CPQ: variants seen among roughly 807,000 people sequenced by gnomAD.
CPQ encodes the protein carboxypeptidase Q.
In CPQ, 37 loss-of-function variants were observed where a neutral mutation model predicts 45.7. That is an observed-to-expected ratio of 0.81 (90% CI 0.62 to 1.07). The LOEUF (loss-of-function observed/expected upper bound fraction) is 1.07. CPQ is among the 50% of genes least tolerant of loss of function. The probability of loss-of-function intolerance (pLI) is 0.00; values close to 1 mark genes in which losing one functional copy is unlikely to be tolerated. For synonymous variants in CPQ, 186 were observed against 205.8 expected, an observed-to-expected ratio of 0.90 and a Z score of 0.82; for missense variants, 537 against 572.9, an observed-to-expected ratio of 0.94 and a Z score of 0.64.
chr8:96,675,046 G>A (rs1809058221), intron 1 of CPQ, among the ~76,000 whole-genome samples: 1 of 152,046 alleles, frequency 6.6e-6, no homozygotes, highest in African/African-American at 2.4e-5. Flanking sequence ...GTGCATATTT[G>A]TTGAGAATTG....
intron 1 of CPQ, among the ~76,000 whole-genome samples, chr8:96,742,098 G>T (rs377242457): frequency 7.0e-6 from 1 of 143,672 alleles, no homozygotes; most frequent in African/African-American, 2.6e-5. Flanking sequence ...CATTATTAAT[G>T]TGTGGGAGTC....
intron 5 of CPQ, among the ~76,000 whole-genome samples, chr8:97,022,338 A>C (rs1173783876): frequency 6.6e-6 from 1 of 152,184 alleles, no homozygotes; most frequent in African/African-American, 2.4e-5. Context: ...GGATTTCATG[A>C]TCAACAACCC....
At chr8:96,844,606 C>T (rs13251076) in intron 3 of CPQ, among the ~76,000 whole-genome samples, 57,746 of 152,082 alleles carry the variant, frequency 0.38, 11,620 homozygotes, top group Non-Finnish European at 0.45. Flanking sequence ...AAGCCCTTGA[C>T]ACAGACTGAA....
At chr8:96,870,017 T>C (rs1478799780) in intron 3 of CPQ, among the ~76,000 whole-genome samples, 1 of 151,982 alleles carries the variant, frequency 6.6e-6, no homozygotes, top group Non-Finnish European at 1.5e-5. Context: ...ACAGAAGACA[T>C]AAATGTGCGT....
intron 4 of CPQ, among the ~76,000 whole-genome samples, chr8:96,900,084 G>T (rs970592677): frequency 1.3e-5 from 2 of 152,112 alleles, no homozygotes; most frequent in Non-Finnish European, 2.9e-5. Flanking sequence ...AGTGAAATAG[G>T]TATTATCCCA....
intron 1 of CPQ, among the ~76,000 whole-genome samples, chr8:96,649,908 A>G (rs929183772): frequency 7.2e-5 from 11 of 152,240 alleles, no homozygotes; most frequent in African/African-American, 2.7e-4. Flanking sequence ...AACAATGAGG[A>G]GTTATTATAA....
intron 2 of CPQ, among the ~76,000 whole-genome samples, chr8:96,791,762 C>T (rs1418382819): frequency 1.3e-5 from 2 of 152,136 alleles, no homozygotes; most frequent in Non-Finnish European, 2.9e-5. Context: ...TATCTTCTAG[C>T]CTCTCTCTCA....
chr8:97,039,320 A>G (rs993683789), intron 6 of CPQ, among the ~76,000 whole-genome samples: 1 of 152,248 alleles, frequency 6.6e-6, no homozygotes, highest in Non-Finnish European at 1.5e-5. Context: ...AGGGTCTTTT[A>G]GAGAAATGAA....
rs112839062 is a variant in CPQ, at chr8:96,831,230, ATG to A, written c.434-3723_434-3722del. ...TTCATTCATTCAGTGGGTTATGGGT[ATG>A]TGTGTGTGTGTGTGTGTGTTTCACA... On this transcript the variant is annotated intron_variant, in intron 2 of 7. Transcript: ENST00000220763. Among the ~76,000 whole-genome samples, 146 of 149,412 alleles carry A rather than the reference ATG, an allele frequency of 9.8e-4. 2 individuals carry two copies. In the South Asian group the frequency reaches 0.019, roughly 20 times the overall value.
chr8:97,091,970 G>T (rs1449882461), intron 7 of CPQ, among the ~76,000 whole-genome samples: 1 of 152,016 alleles, frequency 6.6e-6, no homozygotes, highest in African/African-American at 2.4e-5. Flanking sequence ...TATCCTAAAT[G>T]CCTCTGGTAC....
chr8:96,704,204 T>A (rs918246026), intron 1 of CPQ, among the ~76,000 whole-genome samples: 3 of 152,156 alleles, frequency 2.0e-5, no homozygotes, highest in Non-Finnish European at 2.9e-5. Context: ...ATTCAGCTGC[T>A]CTTTATTTAT....
At chr8:97,040,278 C>A (rs1424915633) in intron 6 of CPQ, among the ~76,000 whole-genome samples, 1 of 152,188 alleles carries the variant, frequency 6.6e-6, no homozygotes, top group Non-Finnish European at 1.5e-5. Context: ...GCATAAATGT[C>A]TTCTTTTGAG....
At chr8:96,739,102 CCA>C (rs1810039869) in intron 1 of CPQ, among the ~76,000 whole-genome samples, 2 of 148,452 alleles carry the variant, frequency 1.3e-5, no homozygotes, top group African/African-American at 5.0e-5. Flanking sequence ...TCCTATTTCT[CCA>C]CATCCTCTCC....
At chr8:96,770,977 G>A (rs1470046693) in intron 1 of CPQ, among the ~76,000 whole-genome samples, 2 of 148,554 alleles carry the variant, frequency 1.3e-5, no homozygotes, top group African/African-American at 4.9e-5. Flanking sequence ...TTGTAAATAG[G>A]TACTGTCTTG....
chr8:97,119,225 A>G (rs1410324423), intron 7 of CPQ, among the ~76,000 whole-genome samples: 1 of 150,736 alleles, frequency 6.6e-6, no homozygotes, highest in Admixed American at 6.7e-5. Context: ...GCTACTCTGG[A>G]GGCTGAGGCA....
At chr8:96,670,552 A>ATT (rs1808988932) in intron 1 of CPQ, among the ~76,000 whole-genome samples, 1 of 152,146 alleles carries the variant, frequency 6.6e-6, no homozygotes, top group South Asian at 2.1e-4. Flanking sequence ...AGAGACAGAC[A>ATT]TTATCTAATG....
At chr8:96,726,891 T>C (rs1809851023) in intron 1 of CPQ, among the ~76,000 whole-genome samples, 1 of 151,458 alleles carries the variant, frequency 6.6e-6, no homozygotes, top group Non-Finnish European at 1.5e-5. Flanking sequence ...TGTGACCTCT[T>C]GACTTTGGAC....
At chr8:96,942,806 G>C (rs563733854) in intron 4 of CPQ, among the ~76,000 whole-genome samples, 3 of 152,274 alleles carry the variant, frequency 2.0e-5, no homozygotes, top group Non-Finnish European at 4.4e-5. Flanking sequence ...AGATGTCACA[G>C]ACAATTCTGA....
chr8:96,846,077 C>T (rs1229836049), intron 3 of CPQ, among the ~76,000 whole-genome samples: 1 of 152,196 alleles, frequency 6.6e-6, no homozygotes, highest in African/African-American at 2.4e-5. Context: ...CTCAGCTTCC[C>T]AAAATGCTGG....
Sources: gnomAD v4.1 joint callset for allele counts (sites outside exome capture counted in the v4.1 genomes callset) on GRCh38, gnomAD v4.1.1 for gene constraint, MANE v1.5 for transcripts, NCBI Gene and HGNC (gene_info 2026-07-23, HGNC 2026-07-21) for gene names.